Variants in DAZAP1 observed in about 807,000 individuals in gnomAD.
DAZAP1 encodes DAZ associated protein 1, also known as DAZ-associated protein 1.
In DAZAP1, 6 loss-of-function variants were observed where a neutral mutation model predicts 60.1. The observed-to-expected ratio is 0.10, with a 90% CI of 0.05 to 0.20. The LOEUF is 0.20. Among genes scored for constraint, DAZAP1 ranks in the 10% least tolerant of loss-of-function variants. The probability of loss-of-function intolerance (pLI) is 1.00; values close to 1 mark genes in which losing one functional copy is unlikely to be tolerated. For synonymous variants in DAZAP1, 235 were observed against 215.9 expected, an observed-to-expected ratio of 1.09 and a Z score of -0.78; for missense variants, 366 against 560.4, an observed-to-expected ratio of 0.65 and a Z score of 3.50.
intron 8 of DAZAP1, among the ~76,000 whole-genome samples, chr19:1,429,448 G>A (rs1012371247): frequency 2.0e-5 from 3 of 152,190 alleles, no homozygotes; most frequent in East Asian, 1.9e-4. Flanking sequence ...TTAGGCCCAC[G>A]TTGTGGGCCG....
At chr19:1,413,604 G>A (rs1447511236) in intron 1 of DAZAP1, among the ~76,000 whole-genome samples, 1 of 152,254 alleles carries the variant, frequency 6.6e-6, no homozygotes, top group Non-Finnish European at 1.5e-5. Flanking sequence ...GACACAGGAA[G>A]CTTTAGCGTT....
In DAZAP1 at chr19:1,433,509, C is replaced by T. The variant is rs1380149447; in HGVS notation, c.1048+819C>T. On this transcript the variant is annotated intron_variant, in intron 11 of 11. Coordinates refer to ENST00000233078, the MANE Select transcript of DAZAP1 (RefSeq NM_018959.4). The surrounding 1 kb of genome is among the most constrained non-coding windows in gnomAD (Gnocchi z 6.1). ...CCGGGGTGTGGGAGCTGTGTTCGGC[C>T]GAGGTGCCCGCCCACCCACCTCGCA... 6 of 560,034 alleles carry T rather than the reference C, an allele frequency of 1.1e-5. No homozygotes were observed. The highest frequency in any genetic ancestry group is 8.4e-5 in the South Asian group (4 of 47,814). The allele number at this position is 560,034 out of a possible 1,614,324, so 34.7% of individuals were successfully genotyped here.
Position 1,419,662 on chromosome 19 carries a change from GTC to G in DAZAP1, c.303+937_303+938del, listed in dbSNP as rs2083089081. On this transcript the variant is annotated intron_variant, in intron 4 of 11. Transcript: ENST00000233078. ...GTTCATATTCCATCTGGTTATTAAT[GTC>G]TCTCTAGCTTTTCTTAAGATATAAT... 3.9e-5 allele frequency among the ~76,000 whole-genome samples: 6 copies of G among 152,144 alleles called. No homozygotes were observed. In the South Asian group the frequency reaches 1.2e-3, roughly 31 times the overall value.
At position 1,407,780 on chromosome 19, in the gene DAZAP1, A is replaced by G; in HGVS notation, c.7A>G (p.Asn3Asp). The G allele has an allele frequency of 9.3e-7, 1 of 1,081,074 alleles. No homozygotes were observed. Among genetic ancestry groups the G allele is most frequent in the Admixed American group, 5.4e-5 (1 of 18,648 alleles). 67.0% of individuals were successfully genotyped at this position (1,081,074 alleles called of 1,614,324 possible). Residue 3 changes from asparagine (N) to aspartate (D), a missense_variant, in exon 1 of 12, where the codon AAC becomes GAC. By Grantham distance (23) the Asn-to-Asp change is conservative (BLOSUM62 1). Around this residue, in one of 3 missense-constraint regions of DAZAP1, gnomAD observed 98 missense variants for 155.3 expected, o/e 0.63. Transcript: ENST00000233078. MN[N>D]SGADEIGKLF... ...CGTCGCCGCCGCCGCCGCCATGAAC[A>G]ACTCGGGCGCCGACGAGATCGGGTG...
chr19:1,415,403 T>G (rs1226915651), intron 1 of DAZAP1, among the ~76,000 whole-genome samples: 13 of 149,432 alleles, frequency 8.7e-5, no homozygotes, highest in Non-Finnish European at 1.2e-4. Flanking sequence ...TGTTTTTTTT[T>G]TTTTTTTTGA....
intron 6 of DAZAP1, among the ~76,000 whole-genome samples, chr19:1,424,644 G>A (rs1311842856): frequency 2.0e-5 from 3 of 151,300 alleles, no homozygotes; most frequent in African/African-American, 4.9e-5. Context: ...CACCCCCCAC[G>A]GCCCTTCTCT....
chr19:1,428,963 C>T lies in DAZAP1; in HGVS notation c.668C>T (p.Pro223Leu). ...NAANGWAGQP[P>L]PTWQQGYGPQ... ...GCCAATGGCTGGGCAGGCCAGCCCC[C>T]GCCCACGTGGCAGCAAGGATATGGC... The change falls in exon 8 of 12, where the codon CCG becomes CTG. Residue 223 changes from proline to leucine, a missense_variant. By Grantham distance (98) the Pro-to-Leu change is moderately conservative (BLOSUM62 -3). Coordinates refer to ENST00000233078, the MANE Select transcript of DAZAP1 (RefSeq NM_018959.4). This position sits in a 1 kb window ranked among gnomAD's most constrained non-coding sequence, Gnocchi z 4.0. 2.5e-6 allele frequency: 4 copies of T among 1,606,556 alleles called. No individual in the cohort carries two copies. Among genetic ancestry groups the T allele is most frequent in the East Asian group, 2.2e-5 (1 of 44,786 alleles).
intron 1 of DAZAP1, among the ~76,000 whole-genome samples, chr19:1,413,126 G>A (rs1341434577): frequency 1.3e-5 from 2 of 152,178 alleles, no homozygotes; most frequent in African/African-American, 2.4e-5. Context: ...CCCCGTTAAC[G>A]TCCTCAGTCC....
intron 10 of DAZAP1, chr19:1,431,934 G>A (rs950562811): frequency 3.9e-5 from 6 of 153,546 alleles, no homozygotes; most frequent in African/African-American, 7.2e-5. Flanking sequence ...GAGGCTCCAC[G>A]TGGCCGTGGT....
chr19:1,421,758 C>T (rs1161577623), intron 5 of DAZAP1, among the ~76,000 whole-genome samples: 5 of 152,214 alleles, frequency 3.3e-5, no homozygotes, highest in Non-Finnish European at 7.3e-5. Context: ...GCTGGGACTC[C>T]TGCCGTGCCC....
chr19:1,431,393 C>T (rs538215747), intron 10 of DAZAP1, among the ~76,000 whole-genome samples: 13 of 151,796 alleles, frequency 8.6e-5, no homozygotes, highest in East Asian at 3.9e-4. Context: ...CCTCCCAAAG[C>T]GCTGGGATTA....
rs894399659 is a variant in DAZAP1 at position 1,424,191 on chromosome 19, C to T, written c.464-1687C>T. Among the ~76,000 whole-genome samples the T allele has an allele frequency of 3.3e-5, 5 of 152,120 alleles. No homozygotes were observed. The South Asian group carries it at 1.0e-3, about 32-fold the overall frequency. On this transcript the variant is annotated intron_variant, in intron 6 of 11. Coordinates refer to ENST00000233078, the MANE Select transcript of DAZAP1 (RefSeq NM_018959.4). The stretch of plus-strand genomic sequence containing the variant: ...GTGTCTGTGCGGGTCCCTGCTTGGC[C>T]CTCCCACGTCTACCCTCGGCCCGCC...
Position 1,430,270 on chromosome 19 carries a change from C to CCCCCAA in DAZAP1, c.779_780insCCCCAA (p.Pro261_Phe262insLysPro). On this transcript the variant is annotated inframe_insertion, in exon 10 of 12. Coordinates refer to ENST00000233078, the MANE Select transcript of DAZAP1 (RefSeq NM_018959.4). Reference sequence around the variant, plus strand: ...GGAAGAGGAGCCCCCCCGCCACCCCCACCGTTCACCTCCTACATCGTGTCC... The same window carrying CCCCCAA: ...GGAAGAGGAGCCCCCCCGCCACCCCCCCCCAAACCGTTCACCTCCTACATCGTGTCC... 2.9e-6 allele frequency: 4 copies of CCCCCAA among 1,368,622 alleles called. No individual in the cohort carries two copies. Among genetic ancestry groups the CCCCCAA allele is most frequent in the Non-Finnish European group, 4.1e-6 (4 of 979,180 alleles). The allele number at this position is 1,368,622 out of a possible 1,614,324, so 84.8% of individuals were successfully genotyped here. A position where few individuals can be genotyped will look rare whatever the true frequency, so the allele number is the denominator to read the frequency against.
intron 1 of DAZAP1, among the ~76,000 whole-genome samples, chr19:1,411,718 T>C (rs1177576226): frequency 1.3e-5 from 2 of 152,224 alleles, no homozygotes; most frequent in African/African-American, 2.4e-5. Context: ...CCAGAGAGAC[T>C]GAGGCACAGA....
rs1044610706 is a variant in DAZAP1, at chr19:1,425,616, G to C, written c.464-262G>C. On this transcript the variant is annotated intron_variant, in intron 6 of 11. Coordinates refer to ENST00000233078, the MANE Select transcript of DAZAP1 (RefSeq NM_018959.4). The surrounding 1 kb of genome is among the most constrained non-coding windows in gnomAD (Gnocchi z 5.4). ...TTTGTGACACGGAGCCCCAGCCCGGGGTGTCTGGGGCGGAGGCTTGACTCA... is the reference window on the plus strand; with the variant it reads ...TTTGTGACACGGAGCCCCAGCCCGGCGTGTCTGGGGCGGAGGCTTGACTCA... Among the ~76,000 whole-genome samples the C allele has an allele frequency of 6.6e-6, 1 of 152,218 alleles. No homozygotes were observed. The highest frequency in any genetic ancestry group is 2.4e-5 in the African/African-American group (1 of 41,450).
intron 1 of DAZAP1, among the ~76,000 whole-genome samples, chr19:1,411,949 C>A (rs1018204984): frequency 2.0e-5 from 3 of 152,262 alleles, no homozygotes; most frequent in Non-Finnish European, 2.9e-5. Flanking sequence ...GTCAGAATCC[C>A]TGAGAGCTGT....
At position 1,422,496 on chromosome 19, in the gene DAZAP1, A is replaced by T; in HGVS notation, c.463+100A>T. On this transcript the variant is annotated intron_variant, in intron 6 of 11. Transcript: ENST00000233078. The surrounding 1 kb of genome is among the most constrained non-coding windows in gnomAD (Gnocchi z 4.5). ...GCACACACAGGTGGCGGCTGTAGCA[A>T]ACAGCCTCAGGAAGGGACGATTTGG... 8.6e-7 allele frequency: 1 copy of T among 1,156,538 alleles called. No homozygotes were observed. Among genetic ancestry groups the T allele is most frequent in the Non-Finnish European group, 1.3e-6 (1 of 781,356 alleles). The allele number at this position is 1,156,538 out of a possible 1,614,324, so 71.6% of individuals were successfully genotyped here. A position where few individuals can be genotyped will look rare whatever the true frequency, so the allele number is the denominator to read the frequency against.
At chr19:1,410,350 C>T (rs1269531874) in intron 1 of DAZAP1, among the ~76,000 whole-genome samples, 3 of 152,118 alleles carry the variant, frequency 2.0e-5, no homozygotes, top group African/African-American at 7.2e-5. Context: ...GCGGACCCTA[C>T]ATGGTGGATG....
chr19:1,430,376 G>T lies in DAZAP1; in HGVS notation c.871+14G>T, dbSNP rs764858525. On this transcript the variant is annotated intron_variant, in intron 10 of 11. Transcript: ENST00000233078. ...CGCCACAGTTCAGTAAGTCTAGGGGGCCTTGTGGGAGGGCCTCCCGCCTGC... is the reference window on the plus strand; with the variant it reads ...CGCCACAGTTCAGTAAGTCTAGGGGTCCTTGTGGGAGGGCCTCCCGCCTGC... 2.0e-6 allele frequency: 3 copies of T among 1,483,028 alleles called. No individual in the cohort carries two copies. The highest frequency in any genetic ancestry group is 2.5e-5 in the Admixed American group (1 of 39,288). 91.9% of individuals were successfully genotyped at this position (1,483,028 alleles called of 1,614,324 possible). A position where few individuals can be genotyped will look rare whatever the true frequency, so the allele number is the denominator to read the frequency against.
Sources: allele counts gnomAD v4.1 joint callset (sites outside exome capture counted in the v4.1 genomes callset), GRCh38; gene constraint gnomAD v4.1.1; regional missense constraint gnomAD v4.1.1; non-coding constraint Gnocchi (gnomAD v3.1); transcripts MANE v1.5; gene names NCBI Gene and HGNC (gene_info 2026-07-23, HGNC 2026-07-21).